The following EPM2A variants were observed in gnomAD, a reference collection of about 807,000 sequenced individuals.
The protein encoded by EPM2A is laforin.
EPM2A carries 21 observed loss-of-function variants against 26.5 expected under a neutral mutation model. That is an observed-to-expected ratio of 0.79 (90% CI 0.56 to 1.14). EPM2A has a LOEUF of 1.14. Ranked by LOEUF, EPM2A falls within the 50% of genes most tolerant of loss-of-function variation. The probability of loss-of-function intolerance (pLI) is 0.00; values close to 1 mark genes in which losing one functional copy is unlikely to be tolerated. For synonymous variants in EPM2A, 217 were observed against 177.6 expected (o/e 1.22, Z -1.76); for missense variants, 458 against 440.8 (o/e 1.04, Z -0.35).
chr6:145,735,320 C>T lies in EPM2A; in HGVS notation c.179G>A (p.Trp60Ter). 1 of 1,461,372 alleles carries T rather than the reference C, an allele frequency of 6.8e-7. No homozygotes were observed. Among genetic ancestry groups the T allele is most frequent in the Non-Finnish European group, 9.1e-7 (1 of 1,104,152 alleles). The allele number at this position is 1,461,372 out of a possible 1,614,324, so 90.5% of individuals were successfully genotyped here. ...GGCCGCCAGCTCCACCTCCCCGAGCCACAGGCCCGGCTCCTGCAGGGCCAG... is the reference window on the plus strand; with the variant it reads ...GGCCGCCAGCTCCACCTCCCCGAGCTACAGGCCCGGCTCCTGCAGGGCCAG... ...GALALQEPGLWLGEVELAAEE... is the reference protein window; with the variant it reads ...GALALQEPGL The change falls in exon 1 of 4, where the codon TGG becomes TAG. Residue 60 changes from tryptophan to a stop codon, truncating the protein, a stop_gained. Coordinates refer to ENST00000367519, the MANE Select transcript of EPM2A (RefSeq NM_005670.4). LOFTEE classifies it high-confidence loss of function.
intron 2 of EPM2A, among the ~76,000 whole-genome samples, chr6:145,507,648 A>G (rs1779995542): frequency 1.3e-5 from 2 of 152,236 alleles, no homozygotes; most frequent in African/African-American, 4.8e-5. Context: ...ACCTGGAAGC[A>G]GTAGCCACAG....
intron 4 of EPM2A, among the ~76,000 whole-genome samples, chr6:145,421,455 A>AT (rs1327521292): frequency 1.3e-5 from 2 of 152,220 alleles, no homozygotes; most frequent in African/African-American, 4.8e-5. Flanking sequence ...ATGTATTTGT[A>AT]TACCTTTGTA....
rs1238967497 is a variant in EPM2A, at chr6:145,418,252, T to C, written c.556-34155A>G. On this transcript the variant is annotated intron_variant, in intron 4 of 4. Transcript: ENST00000638717. ...AATGCTCTGAGAGATCGGAGACAAA[T>C]GGATGCAAATTCCCACAAATTCTTC... 3.3e-5 allele frequency among the ~76,000 whole-genome samples: 5 copies of C among 152,188 alleles called. No homozygotes were observed. In the South Asian group the frequency reaches 6.2e-4, roughly 19 times the overall value.
chr6:145,640,688 T>C (rs990092023), intron 2 of EPM2A: 1 of 152,130 alleles, frequency 6.6e-6, no homozygotes, highest in Non-Finnish European at 1.5e-5. Context: ...TCTTAAATAA[T>C]GAGTAAAGGG....
At chr6:145,505,848 G>T (rs1306993409) in intron 2 of EPM2A, among the ~76,000 whole-genome samples, 1 of 152,138 alleles carries the variant, frequency 6.6e-6, no homozygotes, top group Non-Finnish European at 1.5e-5. Flanking sequence ...ATAAATGAAT[G>T]AAAAAGTTAA....
intron 4 of EPM2A, among the ~76,000 whole-genome samples, chr6:145,443,115 C>A (rs564858524): frequency 6.6e-6 from 1 of 152,276 alleles, no homozygotes; most frequent in Admixed American, 6.5e-5. Context: ...TTGTGATCCA[C>A]CTGCCTCGGC....
At chr6:145,486,399 C>G (rs1779678814) in intron 4 of EPM2A, among the ~76,000 whole-genome samples, 1 of 152,110 alleles carries the variant, frequency 6.6e-6, no homozygotes, top group African/African-American at 2.4e-5. Flanking sequence ...TAGAGTAGAT[C>G]ACATTAACAT....
intron 2 of EPM2A, among the ~76,000 whole-genome samples, chr6:145,667,566 G>A (rs1779302974): frequency 6.6e-6 from 1 of 151,362 alleles, no homozygotes; most frequent in African/African-American, 2.5e-5. Context: ...ACTGTTGGTG[G>A]GACTGTAAAC....
chr6:145,570,832 C>A (rs1294126179), intron 2 of EPM2A, among the ~76,000 whole-genome samples: 1 of 152,228 alleles, frequency 6.6e-6, no homozygotes, highest in African/African-American at 2.4e-5. Flanking sequence ...GTATTCCATG[C>A]ATACTCTTCC....
chr6:145,466,119 A>G (rs199949367), intron 4 of EPM2A, among the ~76,000 whole-genome samples: 13,677 of 152,044 alleles, frequency 0.09, 856 homozygotes, highest in East Asian at 0.27. Flanking sequence ...AATGGCAACA[A>G]AAGCCAAAAT....
downstream of EPM2A, among the ~76,000 whole-genome samples, chr6:145,501,386 A>T (rs1779887577): frequency 6.6e-6 from 1 of 152,182 alleles, no homozygotes; most frequent in East Asian, 1.9e-4. Context: ...ATAGCCTTGA[A>T]TGGTCATATG....
At chr6:145,569,239 A>G (rs1340126949) in intron 2 of EPM2A, among the ~76,000 whole-genome samples, 3 of 152,262 alleles carry the variant, frequency 2.0e-5, no homozygotes, top group African/African-American at 7.2e-5. Flanking sequence ...GAATTTTGTA[A>G]ACATGTTTTA....
At chr6:145,423,447 G>C (rs999481512) in intron 4 of EPM2A, among the ~76,000 whole-genome samples, 1 of 152,176 alleles carries the variant, frequency 6.6e-6, no homozygotes, top group Non-Finnish European at 1.5e-5. Flanking sequence ...AAAACTATGA[G>C]ATGGTACCTA....
intron 4 of EPM2A, among the ~76,000 whole-genome samples, chr6:145,437,385 A>C (rs1303437908): frequency 6.6e-6 from 1 of 152,220 alleles, no homozygotes; most frequent in Non-Finnish European, 1.5e-5. Flanking sequence ...TCATGGTCTC[A>C]GGTAGTTGTT....
chr6:145,496,873 G>T (rs1046796656), downstream of EPM2A, among the ~76,000 whole-genome samples: 26 of 151,952 alleles, frequency 1.7e-4, 1 homozygote, highest in Admixed American at 1.6e-3. Flanking sequence ...GAGTAGCTGG[G>T]ACTACAGGCG....
At chr6:145,604,731 C>T (rs1781460028) in intron 2 of EPM2A, among the ~76,000 whole-genome samples, 1 of 152,088 alleles carries the variant, frequency 6.6e-6, no homozygotes, top group Non-Finnish European at 1.5e-5. Flanking sequence ...TAATCGGAAT[C>T]TTTCAAAGAA....
intron 2 of EPM2A, among the ~76,000 whole-genome samples, chr6:145,681,243 GT>G (rs148572968): frequency 0.52 from 72,931 of 139,496 alleles, 18,856 homozygotes; most frequent in East Asian, 0.71. Context: ...GGGGTTGTTT[GT>G]TTTTTTCTTG....
chr6:145,594,587 A>G (rs757628277), intron 2 of EPM2A, among the ~76,000 whole-genome samples: 5 of 151,958 alleles, frequency 3.3e-5, no homozygotes, highest in Admixed American at 6.6e-5. Context: ...GCAATAATAT[A>G]CAAAAAATTC....
intron 2 of EPM2A, among the ~76,000 whole-genome samples, chr6:145,510,758 A>C (rs1194995821): frequency 1.3e-5 from 2 of 152,152 alleles, no homozygotes; most frequent in Non-Finnish European, 2.9e-5. Flanking sequence ...AAACAACTAA[A>C]ATTAGAGCAG....
Sources: allele counts gnomAD v4.1 joint callset (sites outside exome capture counted in the v4.1 genomes callset), GRCh38; gene constraint gnomAD v4.1.1; transcripts MANE v1.5; gene names NCBI Gene and HGNC (gene_info 2026-07-23, HGNC 2026-07-21).